FMN1: variants seen among roughly 807,000 people sequenced by gnomAD.
FMN1 encodes formin 1, also known as formin-1.
A neutral mutation model predicts 132.4 loss-of-function variants in FMN1; 110 were observed. The observed-to-expected ratio is 0.83, with a 90% confidence interval of 0.71 to 0.97. The LOEUF (loss-of-function observed/expected upper bound fraction) is 0.97, where lower values mean the gene tolerates loss of function less well. FMN1 is among the 50% of genes least tolerant of loss of function. The pLI, the probability that FMN1 is intolerant of heterozygous loss-of-function variation, is 0.00. For missense variants in FMN1, 1,792 were observed against 1,705.3 expected (o/e 1.05, Z -0.90); for synonymous variants, 722 against 651.7 (o/e 1.11, Z -1.64).
intron 19 of FMN1, among the ~76,000 whole-genome samples, chr15:32,784,414 A>AAAAAC (rs143041498): frequency 0.012 from 1,771 of 150,312 alleles, 37 homozygotes; most frequent in African/African-American, 0.041. Flanking sequence ...TCCTAGGGGG[A>AAAAAC]AAAACAAAAC....
chr15:32,835,336 A>G (rs1020669363), intron 17 of FMN1, among the ~76,000 whole-genome samples: 3 of 152,244 alleles, frequency 2.0e-5, no homozygotes, highest in African/African-American at 4.8e-5. Flanking sequence ...AAATAAACTT[A>G]GAATTATTTT....
Position 32,898,816 on chromosome 15 carries a change from C to G in FMN1, c.3714+18G>C, listed in dbSNP as rs769279423. The G allele has an allele frequency of 6.4e-5, 99 of 1,545,654 alleles. No individual in the cohort carries two copies. The highest frequency in any genetic ancestry group is 8.4e-5 in the Non-Finnish European group (94 of 1,121,818). On this transcript the variant is annotated intron_variant, in intron 15 of 20. Transcript: ENST00000616417. ...ATGAGTAAGAGGTGAAACTTTTCCACGTAATACCATTTCTTACCTGATCAT... is the reference window on the plus strand; with the variant it reads ...ATGAGTAAGAGGTGAAACTTTTCCAGGTAATACCATTTCTTACCTGATCAT...
intron 17 of FMN1, among the ~76,000 whole-genome samples, chr15:32,854,934 A>C (rs946314659): frequency 1.3e-5 from 2 of 151,702 alleles, no homozygotes; most frequent in Non-Finnish European, 2.9e-5. Context: ...AACAAAAAAC[A>C]AACAAAAAAA....
intron 16 of FMN1, among the ~76,000 whole-genome samples, chr15:32,883,621 G>C (rs1373734174): frequency 1.3e-5 from 2 of 148,236 alleles, no homozygotes; most frequent in Admixed American, 1.4e-4. Context: ...CGTTACTAGA[G>C]ATCCTGACTC....
chr15:32,800,326 A>T (rs1045264518), intron 18 of FMN1, among the ~76,000 whole-genome samples: 8 of 152,192 alleles, frequency 5.3e-5, no homozygotes, highest in African/African-American at 1.9e-4. Flanking sequence ...GGAGAAAGGC[A>T]ATAACTGCAG....
At chr15:32,930,856 G>C (rs1216191013) in intron 9 of FMN1, among the ~76,000 whole-genome samples, 3 of 152,066 alleles carry the variant, frequency 2.0e-5, no homozygotes, top group Non-Finnish European at 4.4e-5. Context: ...TCTATTTTGA[G>C]TTGATTTTTG....
At chr15:32,883,146 C>T (rs559636504) in intron 16 of FMN1, among the ~76,000 whole-genome samples, 59 of 152,226 alleles carry the variant, frequency 3.9e-4, no homozygotes, top group African/African-American at 1.2e-3. Flanking sequence ...TGATCAACTG[C>T]AGTAATAGGA....
At chr15:33,185,612 G>A (rs1965857776) in intron 2 of FMN1, among the ~76,000 whole-genome samples, 2 of 110,638 alleles carry the variant, frequency 1.8e-5, no homozygotes, top group South Asian at 2.8e-4. Flanking sequence ...CACTCTTGTT[G>A]CCCAGGCTGG....
intron 5 of FMN1, chr15:33,067,958 C>G: frequency 2.6e-6 from 4 of 1,518,214 alleles, no homozygotes; most frequent in Non-Finnish European, 3.5e-6. Flanking sequence ...TCCACTCCAT[C>G]TGCTCTTAAT....
chr15:32,960,655 A>G (rs1298594403), intron 9 of FMN1, among the ~76,000 whole-genome samples: 1 of 152,156 alleles, frequency 6.6e-6, no homozygotes, highest in Non-Finnish European at 1.5e-5. Context: ...CATAATCATT[A>G]CATTACTTGA....
chr15:32,884,521 C>G (rs1393351418), intron 16 of FMN1, among the ~76,000 whole-genome samples: 2 of 152,200 alleles, frequency 1.3e-5, no homozygotes, highest in African/African-American at 4.8e-5. Context: ...ATGTCAACAT[C>G]AGCAAAGTCC....
chr15:32,776,136 A>G (rs1469767535), intron 20 of FMN1, among the ~76,000 whole-genome samples: 2 of 152,242 alleles, frequency 1.3e-5, no homozygotes, highest in East Asian at 3.8e-4. Context: ...TAACTTCACT[A>G]AGGTTTTACA....
At chr15:33,011,084 T>C (rs1347213175) in intron 6 of FMN1, among the ~76,000 whole-genome samples, 2 of 152,090 alleles carry the variant, frequency 1.3e-5, no homozygotes, top group Non-Finnish European at 2.9e-5. Flanking sequence ...AAAATGCCAA[T>C]AAGAGCCAAG....
At chr15:32,941,816 C>G (rs1469463176) in intron 9 of FMN1, among the ~76,000 whole-genome samples, 2 of 152,152 alleles carry the variant, frequency 1.3e-5, no homozygotes, top group African/African-American at 2.4e-5. Context: ...ACCTCAAGAT[C>G]ACCATTTTTT....
chr15:32,854,224 G>A (rs1444499630), intron 17 of FMN1, among the ~76,000 whole-genome samples: 1 of 151,954 alleles, frequency 6.6e-6, no homozygotes, highest in Non-Finnish European at 1.5e-5. Context: ...TCAAAACCCC[G>A]TGTTTTACCC....
chr15:32,990,825 G>T (rs143048686), intron 7 of FMN1, among the ~76,000 whole-genome samples: 1 of 152,246 alleles, frequency 6.6e-6, no homozygotes, highest in African/African-American at 2.4e-5. Context: ...GGAGAAGAAT[G>T]AGAGTCAAGC....
At chr15:32,869,445 G>C (rs917834071) in intron 16 of FMN1, among the ~76,000 whole-genome samples, 2 of 152,170 alleles carry the variant, frequency 1.3e-5, no homozygotes, top group African/African-American at 4.8e-5. Context: ...AGGGAGTCAT[G>C]AGCAAGCTCG....
chr15:32,950,054 CATATATAT>C (rs1226548479), intron 9 of FMN1, among the ~76,000 whole-genome samples: 3 of 4,918 alleles, frequency 6.1e-4, no homozygotes, highest in African/African-American at 8.5e-4. Context: ...TATATATACA[CATATATAT>C]ATATATATAT....
chr15:32,974,631 A>T (rs2140709918), intron 7 of FMN1, among the ~76,000 whole-genome samples: 1 of 152,312 alleles, frequency 6.6e-6, no homozygotes, highest in East Asian at 1.9e-4. Flanking sequence ...CATTTAATCA[A>T]TCTGAGATGA....
Sources: gnomAD v4.1 joint callset for allele counts (sites outside exome capture counted in the v4.1 genomes callset) on GRCh38, gnomAD v4.1.1 for gene constraint, MANE v1.5 for transcripts, NCBI Gene and HGNC (gene_info 2026-07-23, HGNC 2026-07-21) for gene names.